The following MROH2B variants were observed in gnomAD, a reference collection of about 807,000 sequenced individuals.
MROH2B encodes the protein maestro heat like repeat family member 2B.
Under a neutral mutation model 208.6 loss-of-function variants are expected in MROH2B, and 177 were observed. That is an observed-to-expected ratio of 0.85 (90% CI 0.75 to 0.96). The LOEUF (loss-of-function observed/expected upper bound fraction) is 0.96. Ranked by LOEUF, MROH2B falls within the 40% of genes least tolerant of loss-of-function variation. The pLI is 0.00. For missense variants in MROH2B, 2,002 were observed against 1,878.7 expected (o/e 1.07, Z -1.21); for synonymous variants, 728 against 659.0 (o/e 1.10, Z -1.60).
At chr5:41,008,271 T>C (rs150258082) in intron 33 of MROH2B, among the ~76,000 whole-genome samples, 29 of 152,352 alleles carry the variant, frequency 1.9e-4, no homozygotes, top group African/African-American at 6.7e-4. Flanking sequence ...TTTATTTTTA[T>C]TTTTCTTTTT....
At chr5:41,021,904 T>G (rs1561284094) in intron 24 of MROH2B, among the ~76,000 whole-genome samples, 1 of 151,848 alleles carries the variant, frequency 6.6e-6, no homozygotes, top group Non-Finnish European at 1.5e-5. Flanking sequence ...AAGAGACATA[T>G]AAGCCCATGG....
At chr5:41,040,669 AT>A (rs566748241) in intron 19 of MROH2B, among the ~76,000 whole-genome samples, 4 of 151,850 alleles carry the variant, frequency 2.6e-5, no homozygotes, top group South Asian at 2.1e-4. Context: ...CACAATTTTT[AT>A]TTTTTTTATT....
At chr5:41,005,216 G>T (rs1442747806) in intron 35 of MROH2B, 1 of 527,808 alleles carries the variant, frequency 1.9e-6, no homozygotes, top group African/African-American at 1.9e-5. Flanking sequence ...TCTCTGGATT[G>T]GCTGGAATAG....
chr5:41,000,387 C>T (rs180949934), intron 38 of MROH2B, 36 bp from the exon 39 acceptor site: 78 of 1,604,550 alleles, frequency 4.9e-5, no homozygotes, highest in Middle Eastern at 1.7e-4. Context: ...CAGTCCAGAA[C>T]GTTAGGATCT....
intron 24 of MROH2B, among the ~76,000 whole-genome samples, chr5:41,021,744 G>A (rs1279449737): frequency 1.3e-5 from 2 of 152,040 alleles, no homozygotes; most frequent in African/African-American, 4.8e-5. Context: ...GGGCGTGGTG[G>A]TGCTCACCTG....
chr5:41,024,909 A>G (rs1490245140), intron 24 of MROH2B, among the ~76,000 whole-genome samples: 1 of 152,232 alleles, frequency 6.6e-6, no homozygotes, highest in Non-Finnish European at 1.5e-5. Flanking sequence ...CTACATGGAA[A>G]CTGAAAAACC....
At chr5:41,052,996 G>GTGAT (rs1261902378) in intron 11 of MROH2B, among the ~76,000 whole-genome samples, 5 of 152,106 alleles carry the variant, frequency 3.3e-5, no homozygotes, top group Non-Finnish European at 5.9e-5. Flanking sequence ...AAGAAAGTGA[G>GTGAT]TGATAGGTTA....
intron 25 of MROH2B, 30 bp downstream of exon 25, chr5:41,018,853 T>C: frequency 6.2e-7 from 1 of 1,613,812 alleles, no homozygotes; most frequent in Non-Finnish European, 8.5e-7. Context: ...CTGCAGACTG[T>C]CATCCTACTT....
At chr5:41,024,246 G>A (rs534915428) in intron 24 of MROH2B, among the ~76,000 whole-genome samples, 1 of 152,266 alleles carries the variant, frequency 6.6e-6, no homozygotes, top group South Asian at 2.1e-4. Context: ...TGGCAAATTG[G>A]ATAAAGAGTC....
At chr5:41,013,214 G>C (rs1479561173) in intron 29 of MROH2B, among the ~76,000 whole-genome samples, 1 of 152,182 alleles carries the variant, frequency 6.6e-6, no homozygotes, top group Non-Finnish European at 1.5e-5. Context: ...TGTACATATG[G>C]AGTATGGATT....
intron 40 of MROH2B, 93 bp from the exon 41 acceptor site, chr5:40,998,770 G>C (rs1741292033): frequency 3.0e-6 from 3 of 1,013,868 alleles, no homozygotes; most frequent in Non-Finnish European, 4.5e-6. Flanking sequence ...TGGTGAGAAG[G>C]TAAATGGTAG....
At chr5:41,040,155 T>C (rs1418875068) in intron 19 of MROH2B, among the ~76,000 whole-genome samples, 1 of 152,176 alleles carries the variant, frequency 6.6e-6, no homozygotes, top group Non-Finnish European at 1.5e-5. Flanking sequence ...TAATGGAGGT[T>C]TTTTTTCAGC....
intron 34 of MROH2B, 43 bp from the exon 35 acceptor site, chr5:41,005,688 A>C: frequency 6.9e-7 from 1 of 1,455,652 alleles, no homozygotes; most frequent in Non-Finnish European, 9.5e-7. Context: ...TTACTAAACA[A>C]TGGAGGAAAT....
chr5:41,011,677 T>A (rs937142812), intron 30 of MROH2B, among the ~76,000 whole-genome samples: 10 of 151,950 alleles, frequency 6.6e-5, no homozygotes, highest in Admixed American at 6.6e-4. Flanking sequence ...TTTTTCTTTT[T>A]TTTTTTTTGA....
chr5:41,057,574 T>TTTTTTTTTTTTG (rs1561304757), intron 7 of MROH2B, among the ~76,000 whole-genome samples: 1 of 142,726 alleles, frequency 7.0e-6, no homozygotes. Flanking sequence ...TTTTTTTTTT[T>TTTTTTTTTTTTG]GAGACGGAGT....
At chr5:41,026,297 A>G (rs1176609255) in intron 24 of MROH2B, among the ~76,000 whole-genome samples, 1 of 152,232 alleles carries the variant, frequency 6.6e-6, no homozygotes, top group Non-Finnish European at 1.5e-5. Flanking sequence ...CCATTGTCTC[A>G]GCCCAAAATC....
chr5:41,018,291 C>G, intron 27 of MROH2B, 50 bp downstream of exon 27: 1 of 1,532,324 alleles, frequency 6.5e-7, no homozygotes, highest in Non-Finnish European at 8.9e-7. Flanking sequence ...TCTCAGAGAT[C>G]CCTGCTGTTC....
At chr5:41,061,745 C>A in intron 5 of MROH2B, 21 bp from the exon 6 acceptor site, 2 of 1,606,732 alleles carry the variant, frequency 1.2e-6, no homozygotes, top group Non-Finnish European at 1.7e-6. Context: ...AACACACAAC[C>A]ACAGACTGAG....
intron 6 of MROH2B, among the ~76,000 whole-genome samples, chr5:41,060,835 T>C (rs150233106): frequency 2.5e-3 from 381 of 152,338 alleles, no homozygotes; most frequent in Middle Eastern, 0.017. Context: ...ACGATTTAAC[T>C]ACCTCAGGAT....
Sources: allele counts gnomAD v4.1 joint callset (sites outside exome capture counted in the v4.1 genomes callset), GRCh38; gene constraint gnomAD v4.1.1; transcripts MANE v1.5; gene names NCBI Gene and HGNC (gene_info 2026-07-23, HGNC 2026-07-21).